KCNIP1: variants seen among roughly 807,000 people sequenced by gnomAD.
KCNIP1 encodes A-type potassium channel modulatory protein KCNIP1.
A neutral mutation model predicts 33.0 loss-of-function variants in KCNIP1; 18 were observed. That is an observed-to-expected ratio of 0.55 (90% CI 0.38 to 0.81). The LOEUF (loss-of-function observed/expected upper bound fraction) is 0.81, where lower values mean the gene tolerates loss of function less well. KCNIP1 is among the 30% of genes least tolerant of loss of function. The pLI is 0.00. For missense variants in KCNIP1, 238 were observed against 271.6 expected (o/e 0.88, Z 0.87); for synonymous variants, 93 against 98.3 (o/e 0.95, Z 0.32).
chr5:170,432,860 A>C (rs951085906), intron 1 of KCNIP1, among the ~76,000 whole-genome samples: 1 of 152,260 alleles, frequency 6.6e-6, no homozygotes. Flanking sequence ...TGACCAGAAG[A>C]ATAAATATAA....
At chr5:170,676,999 T>G (rs1047345034) in intron 1 of KCNIP1, among the ~76,000 whole-genome samples, 1 of 152,178 alleles carries the variant, frequency 6.6e-6, no homozygotes, top group African/African-American at 2.4e-5. Context: ...TTCCCCTACC[T>G]GAAGTAACAC....
At chr5:170,593,345 C>T (rs1008789063) in intron 1 of KCNIP1, among the ~76,000 whole-genome samples, 6 of 152,118 alleles carry the variant, frequency 3.9e-5, no homozygotes, top group Admixed American at 3.3e-4. Flanking sequence ...GGTCACCTCA[C>T]CTCCTTCCAG....
chr5:170,663,410 C>T (rs1761573688), intron 1 of KCNIP1, among the ~76,000 whole-genome samples: 2 of 152,246 alleles, frequency 1.3e-5, no homozygotes, highest in South Asian at 2.1e-4. Flanking sequence ...GCCTGGGCTT[C>T]GTCTCCACCC....
intron 1 of KCNIP1, among the ~76,000 whole-genome samples, chr5:170,582,417 A>G (rs1757827977): frequency 6.6e-6 from 1 of 152,248 alleles, no homozygotes; most frequent in Non-Finnish European, 1.5e-5. Context: ...CCAAGTACTC[A>G]GCATAGCCTA....
chr5:170,389,669 A>C (rs1764634949), intron 1 of KCNIP1: 1 of 152,174 alleles, frequency 6.6e-6, no homozygotes, highest in East Asian at 1.9e-4. Context: ...AGAAATAGGA[A>C]ATGATTCTCC....
At chr5:170,475,527 C>A (rs998019903) in intron 1 of KCNIP1, among the ~76,000 whole-genome samples, 5 of 152,152 alleles carry the variant, frequency 3.3e-5, no homozygotes, top group Admixed American at 3.3e-4. Context: ...TTAGGTTGTT[C>A]TAAGTTAAGG....
upstream of KCNIP1, among the ~76,000 whole-genome samples, chr5:170,502,861 C>G (rs1284246992): frequency 6.6e-6 from 1 of 152,106 alleles, no homozygotes; most frequent in Admixed American, 6.5e-5. Context: ...GGAAGCTCTT[C>G]CTCCACCTTC....
chr5:170,559,237 A>T (rs546898903), intron 1 of KCNIP1, among the ~76,000 whole-genome samples: 4 of 152,296 alleles, frequency 2.6e-5, no homozygotes, highest in African/African-American at 7.2e-5. Flanking sequence ...TTTTTCAAAA[A>T]TTCTACTTTT....
intron 1 of KCNIP1, among the ~76,000 whole-genome samples, chr5:170,365,675 C>A (rs1420455577): frequency 6.6e-6 from 1 of 152,200 alleles, no homozygotes; most frequent in Non-Finnish European, 1.5e-5. Context: ...TCCCCTCCAG[C>A]CCTTGAGGAT....
intron 1 of KCNIP1, among the ~76,000 whole-genome samples, chr5:170,556,959 T>C (rs1483054260): frequency 6.6e-6 from 1 of 151,906 alleles, no homozygotes. Context: ...GCCTTAGGAG[T>C]CAGACAGGCC....
chr5:170,589,791 T>TGC (rs1301780975), intron 1 of KCNIP1, among the ~76,000 whole-genome samples: 39,391 of 125,396 alleles, frequency 0.31, 6,954 homozygotes, highest in Non-Finnish European at 0.39. Context: ...TGATGTGATG[T>TGC]GGTGTGCGGT....
At chr5:170,558,267 AC>A (rs1236108152) in intron 1 of KCNIP1, among the ~76,000 whole-genome samples, 1 of 152,254 alleles carries the variant, frequency 6.6e-6, no homozygotes, top group Non-Finnish European at 1.5e-5. Flanking sequence ...GCCCGTAATT[AC>A]ATCAAGTGCC....
intron 1 of KCNIP1, among the ~76,000 whole-genome samples, chr5:170,555,601 C>T (rs530184490): frequency 2.2e-4 from 34 of 152,306 alleles, no homozygotes; most frequent in African/African-American, 7.7e-4. Flanking sequence ...CACATGCCCT[C>T]ATGCTCTGCC....
At chr5:170,713,141 G>T (rs1763517625) in intron 1 of KCNIP1, among the ~76,000 whole-genome samples, 1 of 152,224 alleles carries the variant, frequency 6.6e-6, no homozygotes, top group African/African-American at 2.4e-5. Context: ...CCCATTTGCA[G>T]CTCAAGTGTA....
chr5:170,714,752 TAAAG>T (rs1454624488), intron 1 of KCNIP1, among the ~76,000 whole-genome samples: 9 of 151,520 alleles, frequency 5.9e-5, no homozygotes, highest in Middle Eastern at 3.4e-3. Context: ...AATAAGAAAA[TAAAG>T]AAAAATATTT....
At chr5:170,374,505 C>A (rs1412289436) in intron 1 of KCNIP1, among the ~76,000 whole-genome samples, 3 of 152,170 alleles carry the variant, frequency 2.0e-5, no homozygotes, top group Non-Finnish European at 2.9e-5. Context: ...CCCCAGGGTT[C>A]TTTCCACCCC....
intron 1 of KCNIP1, among the ~76,000 whole-genome samples, chr5:170,363,313 T>G (rs1443864076): frequency 6.6e-6 from 1 of 152,224 alleles, no homozygotes; most frequent in Non-Finnish European, 1.5e-5. Flanking sequence ...TAAATGTGTA[T>G]GTCAAAGCCC....
chr5:170,528,900 G>T (rs1271675320), intron 1 of KCNIP1, among the ~76,000 whole-genome samples: 1 of 152,194 alleles, frequency 6.6e-6, no homozygotes, highest in East Asian at 1.9e-4. Flanking sequence ...CCACTCCACT[G>T]CATTCAACTG....
At chr5:170,657,105 C>T (rs1761303399) in intron 1 of KCNIP1, among the ~76,000 whole-genome samples, 1 of 149,598 alleles carries the variant, frequency 6.7e-6, no homozygotes, top group Non-Finnish European at 1.5e-5. Flanking sequence ...AAGCAATTCT[C>T]CTGCCTCAGC....
Sources: allele counts gnomAD v4.1 joint callset (sites outside exome capture counted in the v4.1 genomes callset), GRCh38; gene constraint gnomAD v4.1.1; transcripts MANE v1.5; gene names NCBI Gene and HGNC (gene_info 2026-07-23, HGNC 2026-07-21).